The following LONP1 variants were observed in gnomAD, a reference collection of about 807,000 sequenced individuals.
LONP1 encodes the protein lon protease homolog, mitochondrial.
Under a neutral mutation model 98.5 loss-of-function variants are expected in LONP1, and 31 were observed. That is an observed-to-expected ratio of 0.31 (90% CI 0.24 to 0.42). The LOEUF is 0.42. LONP1 is among the 20% of genes least tolerant of loss of function. The pLI is 1.00. For missense variants in LONP1, 1,336 were observed against 1,350.6 expected (o/e 0.99, Z 0.17); for synonymous variants, 781 against 594.7 (o/e 1.31, Z -4.56).
At chr19:5,697,927 G>A (rs1014182011) in intron 10 of LONP1, among the ~76,000 whole-genome samples, 1 of 152,052 alleles carries the variant, frequency 6.6e-6, no homozygotes, top group Admixed American at 6.5e-5. Flanking sequence ...GCTCCAAGAG[G>A]CTTCGCGACC....
intron 13 of LONP1, among the ~76,000 whole-genome samples, chr19:5,695,556 C>T (rs1318438857): frequency 6.6e-6 from 1 of 152,172 alleles, no homozygotes; most frequent in Non-Finnish European, 1.5e-5. Flanking sequence ...GCCTCAAGGG[C>T]AGGGACCAGT....
intron 10 of LONP1, 31 bp downstream of exon 10, chr19:5,698,996 T>G (rs751081355): frequency 1.9e-6 from 3 of 1,575,862 alleles, no homozygotes; most frequent in South Asian, 2.3e-5. Flanking sequence ...CTGAGGGGAG[T>G]GCGTGGGGAG....
chr19:5,697,530 A>G (rs1219328946), intron 10 of LONP1, among the ~76,000 whole-genome samples: 3 of 115,292 alleles, frequency 2.6e-5, no homozygotes, highest in East Asian at 5.8e-4. Flanking sequence ...GAGGGAGGAG[A>G]GGGGGAAGAG....
chr19:5,696,897 G>A (rs1599450343), intron 10 of LONP1, 140 bp from the exon 11 acceptor site: 1 of 616,536 alleles, frequency 1.6e-6, no homozygotes, highest in East Asian at 2.8e-5. Flanking sequence ...CGGAAATGCT[G>A]GCAGCCGCCG....
chr19:5,708,468 G>GGGGGGGGGGGGGGT, intron 4 of LONP1, 65 bp from the exon 5 acceptor site: 1 of 551,266 alleles, frequency 1.8e-6, no homozygotes, highest in Non-Finnish European at 3.4e-6. Context: ...GGCTGGGTGG[G>GGGGGGGGGGGGGGT]AGCATGGCCC....
intron 8 of LONP1, 145 bp from the exon 9 acceptor site, chr19:5,701,072 G>A (rs1167199503): frequency 6.9e-6 from 6 of 863,898 alleles, no homozygotes; most frequent in Non-Finnish European, 1.1e-5. Flanking sequence ...CCAGCTCTTT[G>A]GGAGGCCCAG....
rs776983324 is a variant in LONP1, at chr19:5,693,366, T to A, written c.2635A>T (p.Met879Leu). 3 of 1,613,552 alleles carry A rather than the reference T, an allele frequency of 1.9e-6. No individual in the cohort carries two copies. The South Asian group carries it at 3.3e-5, about 18-fold the overall frequency. Residue 879 changes from methionine (M) to leucine (L), a missense_variant, in exon 17 of 18, where the codon ATG becomes TTG. Coordinates refer to ENST00000360614, the MANE Select transcript of LONP1 (RefSeq NM_004793.4). Reference protein sequence around the residue: ...MGRPVRQNLAMTGEVSLTGKI... With the variant: ...MGRPVRQNLALTGEVSLTGKI... ...CCCGTGAGGGAGACTTCGCCAGTCATGGCCAGATTCTGCCGGACAGGCCTG... is the reference window on the plus strand; with the variant it reads ...CCCGTGAGGGAGACTTCGCCAGTCAAGGCCAGATTCTGCCGGACAGGCCTG...
chr19:5,715,702 G>A (rs1414794449), intron 1 of LONP1, among the ~76,000 whole-genome samples: 4 of 139,888 alleles, frequency 2.9e-5, no homozygotes, highest in African/African-American at 1.1e-4. Flanking sequence ...CTGCCACCCA[G>A]GCTGGAGTGC....
rs1465717062 is a variant in LONP1 at position 5,707,700 on chromosome 19, G to C, written c.1059C>G (p.Thr353=). The C allele has an allele frequency of 1.9e-6, 3 of 1,609,726 alleles. No individual in the cohort carries two copies. The African/African-American group carries it at 4.0e-5, about 22-fold the overall frequency. The change falls in exon 6 of 18, where the codon ACC becomes ACG. Residue 353 remains threonine (T), a synonymous_variant. Coordinates refer to ENST00000360614, the MANE Select transcript of LONP1 (RefSeq NM_004793.4). ...SHELQDVLEE[T]NIPKRLYKAL... is the part of the protein sequence containing the mutation. ...TGTGGAGGTGACGAGCACTCACATT[G>C]GTCTCTTCCAGGACGTCCTGCAGCT...
chr19:5,695,037 C>A, intron 13 of LONP1, 136 bp from the exon 14 acceptor site: 1 of 1,021,098 alleles, frequency 9.8e-7, no homozygotes, highest in South Asian at 1.8e-5. Context: ...GAAACCAGGG[C>A]CTGGACACCC....
At chr19:5,692,666 G>A (rs181979745) in intron 17 of LONP1, among the ~76,000 whole-genome samples, 30 of 152,298 alleles carry the variant, frequency 2.0e-4, no homozygotes, top group Admixed American at 1.1e-3. Flanking sequence ...ACAGCCCCTT[G>A]AAAGGACAGC....
rs754446320 is a variant in LONP1 at position 5,713,262 on chromosome 19, G to A, written c.519-9C>T. On this transcript the variant is annotated splice_polypyrimidine_tract_variant and intron_variant, in intron 2 of 17. Coordinates refer to ENST00000360614, the MANE Select transcript of LONP1 (RefSeq NM_004793.4). ...CCACATCCGACTCATTGCTGTGGGA[G>A]AAGAGCACAGAGGAATGTTGGAACA... 1 of 1,605,004 alleles carries A rather than the reference G, an allele frequency of 6.2e-7. No homozygotes were observed. Among genetic ancestry groups the A allele is most frequent in the Non-Finnish European group, 8.5e-7 (1 of 1,174,400 alleles).
At chr19:5,697,427 T>C (rs1214808221) in intron 10 of LONP1, among the ~76,000 whole-genome samples, 1 of 148,728 alleles carries the variant, frequency 6.7e-6, no homozygotes, top group Non-Finnish European at 1.5e-5. Flanking sequence ...ACACAGCCCG[T>C]GCAAAGGCCC....
intron 14 of LONP1, 27 bp from the exon 15 acceptor site, chr19:5,694,579 C>G (rs1056843887): frequency 6.2e-7 from 1 of 1,606,292 alleles, no homozygotes; most frequent in South Asian, 1.1e-5. Context: ...ACACAATGGG[C>G]ACGGGAAGGT....
chr19:5,697,506 AG>A (rs986465897), intron 10 of LONP1, among the ~76,000 whole-genome samples: 7 of 126,196 alleles, frequency 5.5e-5, no homozygotes, highest in South Asian at 2.9e-4. Flanking sequence ...CAGAGGGAGG[AG>A]GGGGGGAGAG....
chr19:5,707,651 G>A (rs756954261), intron 6 of LONP1, 46 bp downstream of exon 6: 1 of 1,581,134 alleles, frequency 6.3e-7, no homozygotes. Flanking sequence ...TAGTGGAGGT[G>A]GGGTGCAGCC....
At chr19:5,712,666 A>T (rs1271278819) in intron 3 of LONP1, among the ~76,000 whole-genome samples, 2 of 151,726 alleles carry the variant, frequency 1.3e-5, no homozygotes, top group African/African-American at 4.8e-5. Flanking sequence ...CTAACTTTTT[A>T]TTATTTTTTA....
intron 4 of LONP1, chr19:5,708,848 C>A (rs1377983873): frequency 5.8e-5 from 9 of 154,158 alleles, no homozygotes; most frequent in Admixed American, 5.1e-4. Flanking sequence ...CCCGTCTCTA[C>A]CAAAAAATAC....
At chr19:5,695,356 G>A (rs528704979) in intron 13 of LONP1, among the ~76,000 whole-genome samples, 14 of 152,130 alleles carry the variant, frequency 9.2e-5, no homozygotes, top group East Asian at 7.8e-4. Context: ...TCTGTGAGAC[G>A]GACAGAGCCA....
Sources: gnomAD v4.1 joint callset for allele counts (sites outside exome capture counted in the v4.1 genomes callset) on GRCh38, gnomAD v4.1.1 for gene constraint, MANE v1.5 for transcripts, NCBI Gene and HGNC (gene_info 2026-07-23, HGNC 2026-07-21) for gene names.